SPATA31H1: variants seen among roughly 807,000 people sequenced by gnomAD.
The protein encoded by SPATA31H1 is SPATA31 subfamily H member 1, also known as spermatogenesis-associated protein 31H1.
At chr2:27,577,933 A>G in the SPATA31H1 span, 12 of 1,614,052 alleles carry the variant, frequency 7.4e-6, no homozygotes, top group Admixed American at 1.7e-5. The surrounding 1 kb of genome is among the most constrained non-coding windows in gnomAD (Gnocchi z 4.5). Flanking sequence ...ACAAAGTCAA[A>G]GAATCAAAGT....
At chr2:27,568,013 G>A in the SPATA31H1 span, 2 of 398,974 alleles carry the variant, frequency 5.0e-6, no homozygotes, top group Admixed American at 8.8e-5. Context: ...AATCAATGGA[G>A]GCAGCCCCAA....
At chr2:27,572,119 T>C in the SPATA31H1 span, 8 of 398,412 alleles carry the variant, frequency 2.0e-5, no homozygotes, top group African/African-American at 1.6e-4. Context: ...TCGAAAGGTA[T>C]AAAATCATCT....
At chr2:27,545,004 C>T in the SPATA31H1 span, among the ~76,000 whole-genome samples, 1 of 146,866 alleles carries the variant, frequency 6.8e-6, no homozygotes, top group Non-Finnish European at 1.5e-5. Flanking sequence ...AATTCTTGCA[C>T]ATTGCATTTC....
At chr2:27,581,101 T>G in the SPATA31H1 span, 1 of 1,613,778 alleles carries the variant, frequency 6.2e-7, no homozygotes, top group South Asian at 1.1e-5. Flanking sequence ...GGAACCAGAG[T>G]TCAGGCCCGA....
At chr2:27,548,068 A>G in the SPATA31H1 span, among the ~76,000 whole-genome samples, 2 of 132,974 alleles carry the variant, frequency 1.5e-5, no homozygotes, top group South Asian at 2.3e-4. Flanking sequence ...TGCAAGCTCC[A>G]CCTCCTGGGT....
the SPATA31H1 span, chr2:27,580,512 C>A: frequency 3.1e-6 from 5 of 1,614,142 alleles, no homozygotes; most frequent in Non-Finnish European, 4.2e-6. Context: ...AATAGAGAGT[C>A]CTTCTAGGGA....
the SPATA31H1 span, chr2:27,581,107 C>A: frequency 6.2e-7 from 1 of 1,614,222 alleles, no homozygotes; most frequent in South Asian, 1.1e-5. Context: ...AGAGTTCAGG[C>A]CCGAGGAAGA....
At chr2:27,550,753 C>T in the SPATA31H1 span, among the ~76,000 whole-genome samples, 1 of 151,632 alleles carries the variant, frequency 6.6e-6, no homozygotes, top group South Asian at 2.1e-4. Context: ...TTTCATGTCT[C>T]TATGTGAGAT....
At chr2:27,574,703 A>T in the SPATA31H1 span, 1 of 398,378 alleles carries the variant, frequency 2.5e-6, no homozygotes, top group Non-Finnish European at 4.4e-6. Context: ...ACCATGGTCT[A>T]AAGTTACAAG....
the SPATA31H1 span, chr2:27,582,064 A>G: frequency 6.2e-7 from 1 of 1,612,794 alleles, no homozygotes; most frequent in Non-Finnish European, 8.5e-7. Context: ...AGGAGATCTC[A>G]CAGGTCCTTT....
the SPATA31H1 span, among the ~76,000 whole-genome samples, chr2:27,538,360 T>C: frequency 1.3e-5 from 2 of 152,200 alleles, no homozygotes; most frequent in African/African-American, 4.8e-5. Context: ...ACTGAGTTTC[T>C]ACAATTCTAG....
chr2:27,572,864 G>A, the SPATA31H1 span: 1 of 397,844 alleles, frequency 2.5e-6, no homozygotes, highest in African/African-American at 2.1e-5. Context: ...TTGGGTCACA[G>A]TTGCACTTTG....
chr2:27,577,833 C>T, the SPATA31H1 span: 2 of 1,614,044 alleles, frequency 1.2e-6, no homozygotes, highest in Non-Finnish European at 1.7e-6. This position sits in a 1 kb window ranked among gnomAD's most constrained non-coding sequence, Gnocchi z 4.5. Flanking sequence ...AGAGGTGCCC[C>T]TGAAGCAAAC....
the SPATA31H1 span, among the ~76,000 whole-genome samples, chr2:27,539,240 C>A: frequency 6.7e-6 from 1 of 148,434 alleles, no homozygotes; most frequent in Non-Finnish European, 1.5e-5. Context: ...GTTTTCCTAG[C>A]CAGAGGACCC....
the SPATA31H1 span, chr2:27,579,465 T>C: frequency 9.3e-6 from 15 of 1,614,132 alleles, no homozygotes; most frequent in Non-Finnish European, 1.3e-5. Context: ...GAGACATACT[T>C]TTTATCATGG....
chr2:27,544,403 A>G, the SPATA31H1 span, among the ~76,000 whole-genome samples: 1 of 151,722 alleles, frequency 6.6e-6, no homozygotes, highest in Non-Finnish European at 1.5e-5. Flanking sequence ...TCTGATTTCT[A>G]TTGTCATGGA....
chr2:27,579,384 C>A, the SPATA31H1 span: 8 of 1,614,108 alleles, frequency 5.0e-6, no homozygotes, highest in East Asian at 2.2e-5. Flanking sequence ...ACTGATGGAA[C>A]CTTCCCAGAG....
the SPATA31H1 span, among the ~76,000 whole-genome samples, chr2:27,564,098 C>T: frequency 6.6e-6 from 1 of 152,192 alleles, no homozygotes; most frequent in Non-Finnish European, 1.5e-5. Context: ...CAGGTTCACT[C>T]CACTTTGATT....
At chr2:27,545,699 T>C in the SPATA31H1 span, among the ~76,000 whole-genome samples, 1 of 151,142 alleles carries the variant, frequency 6.6e-6, no homozygotes, top group Non-Finnish European at 1.5e-5. Context: ...CTCAGCCTCC[T>C]AAGTAGCTGG....
Sources: gnomAD v4.1 joint callset for allele counts (sites outside exome capture counted in the v4.1 genomes callset) on GRCh38, gnomAD v4.1.1 for gene constraint, Gnocchi (gnomAD v3.1) non-coding constraint, MANE v1.5 for transcripts, NCBI Gene and HGNC (gene_info 2026-07-23, HGNC 2026-07-21) for gene names.